Variants in ADAMTSL3 observed in about 807,000 individuals in gnomAD.
The protein encoded by ADAMTSL3 is ADAMTS-like protein 3.
A neutral mutation model predicts 201.7 loss-of-function variants in ADAMTSL3; 128 were observed. The ratio of observed to expected loss-of-function variants is 0.63; its 90% CI spans 0.55 to 0.73. The LOEUF is 0.73. Among genes scored for constraint, ADAMTSL3 ranks in the 30% least tolerant of loss-of-function variants. The probability of loss-of-function intolerance (pLI) is 0.00; values close to 1 mark genes in which losing one functional copy is unlikely to be tolerated. For synonymous variants in ADAMTSL3, 738 were observed against 748.4 expected (o/e 0.99, Z 0.23); for missense variants, 1,990 against 2,119.6 (o/e 0.94, Z 1.20).
chr15:83,707,742 A>G (rs1364548965), intron 3 of ADAMTSL3, among the ~76,000 whole-genome samples: 3 of 152,216 alleles, frequency 2.0e-5, no homozygotes, highest in African/African-American at 4.8e-5. Flanking sequence ...CTTCTTTCAC[A>G]CATCATTATG....
intron 17 of ADAMTSL3, among the ~76,000 whole-genome samples, chr15:83,925,329 G>T (rs940638460): frequency 6.6e-6 from 1 of 152,120 alleles, no homozygotes; most frequent in Non-Finnish European, 1.5e-5. Context: ...CATATTTCTC[G>T]CTTCCATTGA....
intron 2 of ADAMTSL3, among the ~76,000 whole-genome samples, chr15:83,668,669 G>A (rs1182497445): frequency 1.3e-5 from 2 of 152,006 alleles, no homozygotes; most frequent in Non-Finnish European, 2.9e-5. Context: ...GGGAGATCAA[G>A]TTGTCCATAA....
In ADAMTSL3 at chr15:83,910,462, GT is replaced by G. The variant is rs33980524; in HGVS notation, c.1701-2615del. On this transcript the variant is annotated intron_variant, in intron 15 of 29. Transcript: ENST00000286744. ...TGTAATTATTTTTTAGTTGCCGTGG[GT>G]TTTTTTTTTTTTTTAACCTTTAAGT... Among the ~76,000 whole-genome samples the G allele has an allele frequency of 1.4e-3, 197 of 142,264 alleles. 3 individuals are homozygous for G. In the East Asian group the frequency reaches 0.014, roughly 10 times the overall value. 93.3% of individuals were successfully genotyped at this position (142,264 alleles called of 152,430 possible). A position where few individuals can be genotyped will look rare whatever the true frequency, so the allele number is the denominator to read the frequency against.
At chr15:83,664,661 G>T (rs997372150) in intron 2 of ADAMTSL3, among the ~76,000 whole-genome samples, 1 of 152,200 alleles carries the variant, frequency 6.6e-6, no homozygotes, top group African/African-American at 2.4e-5. Flanking sequence ...ACATGGCAGC[G>T]TGGAGTATGA....
chr15:83,729,862 G>A (rs1054223630), intron 3 of ADAMTSL3, among the ~76,000 whole-genome samples: 28 of 151,928 alleles, frequency 1.8e-4, no homozygotes, highest in Admixed American at 1.4e-3. Context: ...ATTTATTGTC[G>A]TCTTCTCAGT....
chr15:83,699,610 T>A (rs1308648872), intron 2 of ADAMTSL3, among the ~76,000 whole-genome samples: 1 of 152,232 alleles, frequency 6.6e-6, no homozygotes, highest in Non-Finnish European at 1.5e-5. Context: ...TCTATTGTTC[T>A]CCGTCTCCTT....
chr15:83,947,918 C>G (rs759651466), intron 19 of ADAMTSL3, among the ~76,000 whole-genome samples: 1 of 152,180 alleles, frequency 6.6e-6, no homozygotes, highest in East Asian at 1.9e-4. Context: ...CCTCTTCACT[C>G]TCTCCCAACC....
chr15:83,866,383 G>C (rs1426018002), intron 8 of ADAMTSL3, among the ~76,000 whole-genome samples: 2 of 152,178 alleles, frequency 1.3e-5, no homozygotes, highest in African/African-American at 4.8e-5. Flanking sequence ...TGATAGACTG[G>C]ATTAAGAAAA....
intron 3 of ADAMTSL3, among the ~76,000 whole-genome samples, chr15:83,771,864 T>TC (rs1184486433): frequency 6.6e-6 from 1 of 151,414 alleles, no homozygotes; most frequent in Non-Finnish European, 1.5e-5. Context: ...CTTTTTTTCT[T>TC]TTTTTTTTCT....
chr15:83,758,348 A>G (rs1011755847), intron 3 of ADAMTSL3, among the ~76,000 whole-genome samples: 1 of 152,296 alleles, frequency 6.6e-6, no homozygotes, highest in African/African-American at 2.4e-5. Context: ...GTGTGCGGGG[A>G]AAATCCCCTT....
intron 3 of ADAMTSL3, among the ~76,000 whole-genome samples, chr15:83,706,741 A>C: frequency 6.6e-6 from 1 of 150,510 alleles, no homozygotes; most frequent in Non-Finnish European, 1.5e-5. Context: ...CCCCACCCAC[A>C]CTTAGGTGAT....
At chr15:83,868,537 A>G (rs777607842) in intron 8 of ADAMTSL3, among the ~76,000 whole-genome samples, 18 of 151,898 alleles carry the variant, frequency 1.2e-4, no homozygotes, top group Non-Finnish European at 2.5e-4. Context: ...GCATCCATAA[A>G]CTCCACCTTC....
chr15:83,899,995 T>A (rs549437973), intron 15 of ADAMTSL3, among the ~76,000 whole-genome samples: 1 of 152,306 alleles, frequency 6.6e-6, no homozygotes, highest in East Asian at 1.9e-4. Context: ...CTTAAGAGAC[T>A]GGGGATAATT....
At chr15:83,875,986 T>C (rs2065170743) in intron 9 of ADAMTSL3, among the ~76,000 whole-genome samples, 1 of 152,080 alleles carries the variant, frequency 6.6e-6, no homozygotes, top group South Asian at 2.1e-4. Context: ...TTTCTCTCTT[T>C]TTTTCTTTTC....
At chr15:83,972,821 A>G (rs2067220076) in intron 20 of ADAMTSL3, among the ~76,000 whole-genome samples, 1 of 152,150 alleles carries the variant, frequency 6.6e-6, no homozygotes, top group Non-Finnish European at 1.5e-5. Context: ...ATCTTTGATC[A>G]CTAGCCCTTG....
At chr15:83,759,249 G>A (rs1180688404) in intron 3 of ADAMTSL3, among the ~76,000 whole-genome samples, 1 of 145,520 alleles carries the variant, frequency 6.9e-6, no homozygotes, top group Admixed American at 7.0e-5. Flanking sequence ...TTTTTGAGAT[G>A]GAGTCTCGCT....
At chr15:83,884,099 G>T (rs972998894) in intron 9 of ADAMTSL3, among the ~76,000 whole-genome samples, 7 of 149,982 alleles carry the variant, frequency 4.7e-5, no homozygotes, top group Admixed American at 3.3e-4. Context: ...TGCCATGTTG[G>T]CCAGGCTGGT....
chr15:83,983,900 G>A (rs1370273079), intron 21 of ADAMTSL3, among the ~76,000 whole-genome samples: 2 of 152,144 alleles, frequency 1.3e-5, no homozygotes, highest in Admixed American at 6.6e-5. Flanking sequence ...TGGTATTTGA[G>A]TATCACACAA....
intron 3 of ADAMTSL3, among the ~76,000 whole-genome samples, chr15:83,722,102 G>A (rs910395165): frequency 1.3e-5 from 2 of 152,176 alleles, no homozygotes; most frequent in Non-Finnish European, 2.9e-5. Flanking sequence ...GACAGACTGA[G>A]ATGAGCAAAG....
Sources: allele counts gnomAD v4.1 joint callset (sites outside exome capture counted in the v4.1 genomes callset), GRCh38; gene constraint gnomAD v4.1.1; transcripts MANE v1.5; gene names NCBI Gene and HGNC (gene_info 2026-07-23, HGNC 2026-07-21).